The following INTS6L variants were observed in gnomAD, a reference collection of about 807,000 sequenced individuals.
INTS6L encodes the protein integrator complex subunit 6-like.
Under a neutral mutation model 64.7 loss-of-function variants are expected in INTS6L, and 18 were observed. The observed-to-expected ratio is 0.28, with a 90% CI of 0.19 to 0.41. The LOEUF (loss-of-function observed/expected upper bound fraction) is 0.41. Among genes scored for constraint, INTS6L ranks in the 10% least tolerant of loss-of-function variants. The probability of loss-of-function intolerance (pLI) is 1.00; values close to 1 mark genes in which losing one functional copy is unlikely to be tolerated. For synonymous variants in INTS6L, 227 were observed against 235.9 expected (o/e 0.96, Z 0.34); for missense variants, 533 against 661.0 (o/e 0.81, Z 2.12).
chrX:135,523,270 C>T (rs782547355), intron 2 of INTS6L, among the ~76,000 whole-genome samples: 1 of 109,207 alleles, frequency 9.2e-6, no homozygotes, highest in South Asian at 4.0e-4. Flanking sequence ...GATGTGGTGG[C>T]GGGCGCCTGT....
intron 2 of INTS6L, among the ~76,000 whole-genome samples, chrX:135,541,409 C>T (rs1298327600): frequency 3.6e-5 from 4 of 112,231 alleles, no homozygotes; most frequent in African/African-American, 1.3e-4. Flanking sequence ...GTAATCAATA[C>T]AAAAATAATG....
chrX:135,536,943 A>T (rs960540461), intron 2 of INTS6L, among the ~76,000 whole-genome samples: 3 of 111,746 alleles, frequency 2.7e-5, no homozygotes, highest in Non-Finnish European at 3.8e-5. Flanking sequence ...ATATTGACAG[A>T]CCTACCCTAT....
In INTS6L at chrX:135,542,553, G is replaced by GGGAA. The variant is rs374727290; in HGVS notation, c.190-2849_190-2846dup. Among the ~76,000 whole-genome samples the GGGAA allele has an allele frequency of 1.8e-3, 199 of 107,706 alleles. 1 individual carries two copies. The highest frequency in any genetic ancestry group is 3.2e-3 in the Non-Finnish European group (164 of 51,867). The allele number at this position is 107,706 out of a possible 115,157, so 93.5% of individuals were successfully genotyped here. A position where few individuals can be genotyped will look rare whatever the true frequency, so the allele number is the denominator to read the frequency against. The stretch of plus-strand genomic sequence containing the variant: ...AGAGAGAAGGAGAGAAGGGAGGGAG[G>GGGAA]GGAAGGAAGGAAGGAAGGAAGGAAA... On this transcript the variant is annotated intron_variant, in intron 2 of 17. Coordinates refer to ENST00000639893, the MANE Select transcript of INTS6L (RefSeq NM_001351601.3).
chrX:135,577,433 G>C lies in INTS6L; in HGVS notation c.2119+6G>C. ...ACCCACCCTTGTACATACAGGTATA[G>C]AGTAGTGGTTGTGATTTCCTTATGG... is the stretch of plus-strand genomic sequence containing the variant. On this transcript the variant is annotated splice_donor_region_variant and intron_variant, in intron 15 of 17. Coordinates refer to ENST00000639893, the MANE Select transcript of INTS6L (RefSeq NM_001351601.3). 8.3e-7 allele frequency: 1 copy of C among 1,204,298 alleles called. No homozygotes were observed. Among genetic ancestry groups the C allele is most frequent in the South Asian group, 1.8e-5 (1 of 56,455 alleles).
At chrX:135,553,522 C>T (rs2086560583) in intron 8 of INTS6L, among the ~76,000 whole-genome samples, 1 of 102,111 alleles carries the variant, frequency 9.8e-6, no homozygotes, top group African/African-American at 3.6e-5. Context: ...CGGAGTCTCA[C>T]CGTGTTGCCC....
chrX:135,577,450 TC>T (rs1556531761), intron 15 of INTS6L, 23 bp downstream of exon 15: 4 of 1,174,582 alleles, frequency 3.4e-6, no homozygotes, highest in Non-Finnish European at 4.6e-6. Context: ...GGTTGTGATT[TC>T]CTTATGGCTC....
At chrX:135,570,178 T>C in intron 10 of INTS6L, 1 of 235,946 alleles carries the variant, frequency 4.2e-6, no homozygotes, top group Non-Finnish European at 7.6e-6. Flanking sequence ...ATTTGGGAAA[T>C]AAGATTGAAC....
chrX:135,532,168 T>C (rs2085928236), intron 2 of INTS6L, among the ~76,000 whole-genome samples: 1 of 112,089 alleles, frequency 8.9e-6, no homozygotes, highest in Admixed American at 9.5e-5. Flanking sequence ...AATTTTTGTC[T>C]CTGCCAAAGA....
intron 14 of INTS6L, among the ~76,000 whole-genome samples, chrX:135,576,690 GCA>G (rs2087237862): frequency 9.0e-6 from 1 of 110,580 alleles, no homozygotes. Flanking sequence ...ATGGGGAGGT[GCA>G]TTTTCCACCT....
intron 7 of INTS6L, among the ~76,000 whole-genome samples, chrX:135,550,430 C>T (rs868975607): frequency 5.8e-5 from 5 of 86,838 alleles, no homozygotes; most frequent in Non-Finnish European, 8.8e-5. Flanking sequence ...GATCAATTGG[C>T]TTTTTTTTTT....
At chrX:135,562,589 G>T (rs1205045526) in intron 9 of INTS6L, among the ~76,000 whole-genome samples, 3 of 111,774 alleles carry the variant, frequency 2.7e-5, no homozygotes, top group Non-Finnish European at 5.7e-5. Flanking sequence ...TTGAGAGAGG[G>T]TTGTTGAAGT....
In INTS6L at chrX:135,529,622, A is replaced by G. The variant is rs185745959; in HGVS notation, c.189+8304A>G. On this transcript the variant is annotated intron_variant, in intron 2 of 17. Transcript: ENST00000639893. The stretch of plus-strand genomic sequence containing the variant: ...ATAGATATGCTGATGAATAGCATCT[A>G]TAAGAGGTAGGACCACTTTATAGCC... Among the ~76,000 whole-genome samples, 415 of 112,248 alleles carry G rather than the reference A, an allele frequency of 3.7e-3. 1 individual carries two copies. The highest frequency in any genetic ancestry group is 6.5e-3 in the Non-Finnish European group (346 of 53,159).
intron 2 of INTS6L, among the ~76,000 whole-genome samples, chrX:135,524,195 A>G (rs1435886692): frequency 6.3e-5 from 7 of 111,728 alleles, no homozygotes; most frequent in African/African-American, 2.3e-4. Flanking sequence ...ACCAGCTTGG[A>G]AGGTCTGAAA....
At chrX:135,534,601 C>T (rs1416524985) in intron 2 of INTS6L, among the ~76,000 whole-genome samples, 2 of 109,640 alleles carry the variant, frequency 1.8e-5, no homozygotes, top group African/African-American at 3.3e-5. Flanking sequence ...TTGCACATTT[C>T]GGCAAGTTCA....
At chrX:135,550,549 C>T (rs1324556959) in intron 7 of INTS6L, among the ~76,000 whole-genome samples, 1 of 110,403 alleles carries the variant, frequency 9.1e-6, no homozygotes, top group Non-Finnish European at 1.9e-5. Flanking sequence ...AGTAATCTCC[C>T]TTGTGTGGGC....
chrX:135,572,661 A>G (rs1276805918), intron 11 of INTS6L, 154 bp from the exon 12 acceptor site: 1 of 477,341 alleles, frequency 2.1e-6, no homozygotes, highest in Non-Finnish European at 3.4e-6. Context: ...TGATAGTGCA[A>G]AGAAGCACAG....
intron 9 of INTS6L, among the ~76,000 whole-genome samples, chrX:135,557,289 T>G (rs2086668342): frequency 8.9e-6 from 1 of 111,980 alleles, no homozygotes; most frequent in South Asian, 3.7e-4. Context: ...TAAATAAGTC[T>G]TTATGACTTC....
intron 2 of INTS6L, among the ~76,000 whole-genome samples, chrX:135,538,621 T>C (rs781844049): frequency 4.6e-4 from 52 of 112,559 alleles, no homozygotes; most frequent in Non-Finnish European, 9.4e-4. Context: ...CAGAAGGTTT[T>C]CAACTTTTCC....
intron 4 of INTS6L, 84 bp downstream of exon 4, chrX:135,546,553 TAA>T (rs2086361348): frequency 1.0e-6 from 1 of 992,411 alleles, no homozygotes; most frequent in African/African-American, 2.0e-5. Context: ...CAGTTAACAG[TAA>T]GTTTGGTCAA....
Sources: gnomAD v4.1 joint callset for allele counts (sites outside exome capture counted in the v4.1 genomes callset) on GRCh38, gnomAD v4.1.1 for gene constraint, MANE v1.5 for transcripts, NCBI Gene and HGNC (gene_info 2026-07-23, HGNC 2026-07-21) for gene names.